Variants in FOXJ3 observed in about 807,000 individuals in gnomAD.
The protein encoded by FOXJ3 is forkhead box protein J3.
Under a neutral mutation model 76.1 loss-of-function variants are expected in FOXJ3, and 22 were observed. That is an observed-to-expected ratio of 0.29 (90% CI 0.21 to 0.41). The LOEUF (loss-of-function observed/expected upper bound fraction) is 0.41. Among genes scored for constraint, FOXJ3 ranks in the 10% least tolerant of loss-of-function variants. The pLI is 1.00. For missense variants in FOXJ3, 613 were observed against 762.1 expected (o/e 0.80, Z 2.30); for synonymous variants, 269 against 261.2 (o/e 1.03, Z -0.29).
intron 3 of FOXJ3, among the ~76,000 whole-genome samples, chr1:42,275,579 T>C (rs1652199127): frequency 6.6e-6 from 1 of 152,108 alleles, no homozygotes; most frequent in African/African-American, 2.4e-5. Context: ...GGAGGACCAC[T>C]TGAGCCCAGG....
Position 42,265,004 on chromosome 1 carries a change from G to A in FOXJ3, c.444+111C>T, listed in dbSNP as rs990541570. ...ACAAGCTTTAGAGCAGGGTGGGGGA[G>A]GACTTACTATTTTGCAGAGGTTCCT... On this transcript the variant is annotated intron_variant, in intron 4 of 12. Coordinates refer to ENST00000361346, the MANE Select transcript of FOXJ3 (RefSeq NM_014947.5). 15 of 783,638 alleles carry A rather than the reference G, an allele frequency of 1.9e-5. No homozygotes were observed. In the South Asian group the frequency reaches 2.1e-4, roughly 11 times the overall value. 48.5% of individuals were successfully genotyped at this position (783,638 alleles called of 1,614,324 possible).
At chr1:42,240,105 A>G (rs1174419624) in intron 4 of FOXJ3, among the ~76,000 whole-genome samples, 1 of 152,232 alleles carries the variant, frequency 6.6e-6, no homozygotes. Context: ...ATATAAGGTC[A>G]GATATTGGAG....
At chr1:42,270,723 C>T (rs1455865650) in intron 3 of FOXJ3, among the ~76,000 whole-genome samples, 2 of 152,150 alleles carry the variant, frequency 1.3e-5, no homozygotes, top group Non-Finnish European at 2.9e-5. Flanking sequence ...TTTCTCAAAA[C>T]TACAGTTTAT....
chr1:42,307,482 C>A (rs913001049), intron 2 of FOXJ3, among the ~76,000 whole-genome samples: 3 of 152,130 alleles, frequency 2.0e-5, no homozygotes, highest in African/African-American at 7.2e-5. Context: ...TTGTTTTTAT[C>A]CTTTATGTTA....
intron 5 of FOXJ3, chr1:42,206,125 G>A (rs1441131500): frequency 8.1e-6 from 3 of 368,864 alleles, no homozygotes; most frequent in South Asian, 9.8e-5. Flanking sequence ...ATAAACTTCT[G>A]TAGTGAAAAT....
At chr1:42,244,735 T>C (rs536576274) in intron 4 of FOXJ3, among the ~76,000 whole-genome samples, 9 of 150,416 alleles carry the variant, frequency 6.0e-5, no homozygotes, top group African/African-American at 2.2e-4. Flanking sequence ...GAAATACAGA[T>C]CATCAGACTA....
chr1:42,334,220 G>A (rs1052826467), intron 1 of FOXJ3: 5 of 571,318 alleles, frequency 8.8e-6, no homozygotes, highest in East Asian at 2.9e-4. Context: ...GAGGAAAAAA[G>A]ATGTTAATGA....
At chr1:42,246,616 C>T (rs1461959114) in intron 4 of FOXJ3, among the ~76,000 whole-genome samples, 2 of 150,126 alleles carry the variant, frequency 1.3e-5, no homozygotes, top group African/African-American at 4.9e-5. Flanking sequence ...TTATGGAAAA[C>T]AGTATGTTGC....
At chr1:42,262,068 C>G (rs986839193) in intron 4 of FOXJ3, among the ~76,000 whole-genome samples, 3 of 152,148 alleles carry the variant, frequency 2.0e-5, no homozygotes, top group African/African-American at 7.2e-5. Context: ...GGCCTACTCT[C>G]TCTGTTAAGT....
chr1:42,317,341 G>A (rs138474367), intron 1 of FOXJ3, among the ~76,000 whole-genome samples: 1 of 152,180 alleles, frequency 6.6e-6, no homozygotes, highest in African/African-American at 2.4e-5. Context: ...ATCCTGATGA[G>A]TGAGAAGCAA....
chr1:42,284,907 G>GAA (rs1652952062), intron 2 of FOXJ3, among the ~76,000 whole-genome samples: 2 of 152,044 alleles, frequency 1.3e-5, no homozygotes, highest in African/African-American at 4.8e-5. Context: ...TAACCAATGA[G>GAA]AAATGTTGCA....
intron 2 of FOXJ3, among the ~76,000 whole-genome samples, chr1:42,302,714 GCTT>G (rs1041695757): frequency 2.9e-4 from 44 of 152,238 alleles, no homozygotes; most frequent in African/African-American, 9.6e-4. Flanking sequence ...CCTATGATAA[GCTT>G]ATTATATCAA....
At chr1:42,215,342 T>C (rs886589691) in intron 5 of FOXJ3, among the ~76,000 whole-genome samples, 4 of 151,762 alleles carry the variant, frequency 2.6e-5, no homozygotes, top group South Asian at 4.1e-4. Context: ...AAGAAAAATA[T>C]ATCAATGGAT....
At chr1:42,294,713 G>A (rs1367320953) in intron 2 of FOXJ3, among the ~76,000 whole-genome samples, 1 of 139,164 alleles carries the variant, frequency 7.2e-6, no homozygotes, top group African/African-American at 2.7e-5. Flanking sequence ...AGTGAGCAGA[G>A]ATCACGCCAT....
At position 42,278,493 on chromosome 1, in the gene FOXJ3, T is replaced by C; in HGVS notation, c.224A>G (p.Lys75Arg). Residue 75 changes from lysine (K) to arginine (R), a missense_variant, in exon 3 of 13, where the codon AAA (lysine) becomes AGA (arginine). Coordinates refer to ENST00000361346, the MANE Select transcript of FOXJ3 (RefSeq NM_014947.5). ...ATAACTGTATGGAGGTTTCCCATCT[T>C]TGTGCTGTTGGACTTCTTCCTGGTC... ...TLDQEEVQQH[K>R]DGKPPYSYAS... The C allele has an allele frequency of 6.2e-7, 1 of 1,614,190 alleles. No homozygotes were observed. The highest frequency in any genetic ancestry group is 1.1e-5 in the South Asian group (1 of 91,076).
intron 4 of FOXJ3, among the ~76,000 whole-genome samples, chr1:42,234,262 G>A (rs1250336141): frequency 6.6e-6 from 1 of 151,982 alleles, no homozygotes; most frequent in African/African-American, 2.4e-5. Flanking sequence ...GGTCTTTTAA[G>A]GACTTCTCTG....
intron 2 of FOXJ3, among the ~76,000 whole-genome samples, chr1:42,288,560 T>C (rs1359657208): frequency 6.6e-6 from 1 of 152,208 alleles, no homozygotes; most frequent in Non-Finnish European, 1.5e-5. Flanking sequence ...TTAAGTATGA[T>C]GTACAGAAAA....
chr1:42,200,332 G>A (rs1646738614), intron 6 of FOXJ3, among the ~76,000 whole-genome samples: 1 of 152,022 alleles, frequency 6.6e-6, no homozygotes, highest in Non-Finnish European at 1.5e-5. Flanking sequence ...ACAAGGCCTT[G>A]TTTTCTATTG....
At chr1:42,228,950 T>C (rs1261216977) in intron 4 of FOXJ3, among the ~76,000 whole-genome samples, 1 of 152,208 alleles carries the variant, frequency 6.6e-6, no homozygotes, top group African/African-American at 2.4e-5. Context: ...AGGCCGTTTT[T>C]TAAGGCAACG....
Sources: gnomAD v4.1 joint callset for allele counts (sites outside exome capture counted in the v4.1 genomes callset) on GRCh38, gnomAD v4.1.1 for gene constraint, MANE v1.5 for transcripts, NCBI Gene and HGNC (gene_info 2026-07-23, HGNC 2026-07-21) for gene names.